Variants in POC5 observed in about 807,000 individuals in gnomAD.
POC5 encodes the protein POC5 centriolar protein.
POC5 carries 48 observed loss-of-function variants against 62.9 expected under a neutral mutation model. The ratio of observed to expected loss-of-function variants is 0.76; its 90% CI spans 0.61 to 0.97. The LOEUF is 0.97. Among genes scored for constraint, POC5 ranks in the 50% least tolerant of loss-of-function variants. The pLI, the probability that POC5 is intolerant of heterozygous loss-of-function variation, is 0.00. For missense variants in POC5, 696 were observed against 679.5 expected, an observed-to-expected ratio of 1.02 and a Z score of -0.27; for synonymous variants, 236 against 228.2, an observed-to-expected ratio of 1.03 and a Z score of -0.31.
At chr5:75,687,316 G>A (rs1162534011) in intron 9 of POC5, among the ~76,000 whole-genome samples, 2 of 152,046 alleles carry the variant, frequency 1.3e-5, no homozygotes, top group Non-Finnish European at 2.9e-5. Flanking sequence ...AGGTGTGAGC[G>A]ACCGCGCCTG....
chr5:75,712,575 A>C, intron 2 of POC5: 1 of 975,254 alleles, frequency 1.0e-6, no homozygotes, highest in Non-Finnish European at 1.6e-6. Flanking sequence ...AAAAATTTAA[A>C]CAAAAAAATG....
rs1408846041 is a variant in POC5 at position 75,677,796 on chromosome 5, T to C, written c.1562A>G (p.Glu521Gly). 1.9e-6 allele frequency: 3 copies of C among 1,608,964 alleles called. No individual in the cohort carries two copies. The highest frequency in any genetic ancestry group is 2.5e-6 in the Non-Finnish European group (3 of 1,177,802). ...CACCACTGTGACTGGATGATGTTTT[T>C]CCACAACAACTGAGCTCATGGGAGG... ...VSPPMSSVVV[E>G]KHHPVTVQTI... The change falls in exon 11 of 12, where the codon GAA becomes GGA. Residue 521 changes from glutamate (E) to glycine (G), a missense_variant. By Grantham distance (98) the Glu-to-Gly change is moderately conservative. Coordinates refer to ENST00000428202, the MANE Select transcript of POC5 (RefSeq NM_001099271.2).
At chr5:75,712,564 A>C (rs747565208) in intron 2 of POC5, 2 of 1,042,666 alleles carry the variant, frequency 1.9e-6, no homozygotes, top group South Asian at 2.9e-5. Flanking sequence ...GCTAAAATGA[A>C]AAAAATTTAA....
intron 10 of POC5, among the ~76,000 whole-genome samples, chr5:75,679,444 T>C (rs568044620): frequency 3.3e-5 from 5 of 152,248 alleles, no homozygotes; most frequent in Non-Finnish European, 7.4e-5. Context: ...AGCTGTATAC[T>C]GAAATGGGAA....
chr5:75,703,285 T>C (rs76239327), intron 4 of POC5, among the ~76,000 whole-genome samples: 7,539 of 152,286 alleles, frequency 0.05, 647 homozygotes, highest in African/African-American at 0.17. Context: ...TGTGGTTGTA[T>C]ATAGGTCAAT....
chr5:75,698,987 C>G (rs922012307), intron 5 of POC5, among the ~76,000 whole-genome samples: 8 of 151,784 alleles, frequency 5.3e-5, no homozygotes, highest in Admixed American at 1.3e-4. Flanking sequence ...ATAAATTCCT[C>G]GACACATACA....
At chr5:75,686,271 T>C (rs987218255) in intron 9 of POC5, among the ~76,000 whole-genome samples, 1 of 152,214 alleles carries the variant, frequency 6.6e-6, no homozygotes, top group Non-Finnish European at 1.5e-5. Context: ...AGACTGTATC[T>C]GTGTGGTATC....
intron 3 of POC5, among the ~76,000 whole-genome samples, chr5:75,706,592 C>T (rs1447853937): frequency 6.6e-6 from 1 of 150,842 alleles, no homozygotes; most frequent in Non-Finnish European, 1.5e-5. Flanking sequence ...TAAACAGAGT[C>T]TTGCTCTGTT....
intron 11 of POC5, among the ~76,000 whole-genome samples, chr5:75,675,382 A>C (rs1345600514): frequency 5.3e-5 from 8 of 152,152 alleles, no homozygotes; most frequent in Admixed American, 5.2e-4. Flanking sequence ...GGACATGTCA[A>C]TTTCTATTAG....
At chr5:75,705,978 T>C (rs1340430167) in intron 3 of POC5, among the ~76,000 whole-genome samples, 191 bp from the exon 4 acceptor site, 1 of 152,194 alleles carries the variant, frequency 6.6e-6, no homozygotes, top group African/African-American at 2.4e-5. Context: ...AGACTTACTA[T>C]ATCATTGATA....
Position 75,690,481 on chromosome 5 carries a change from G to A in POC5, c.877C>T (p.Gln293Ter). ...KVWKVWRSVVQKQWKDVVERA... is the reference protein window; with the variant it reads ...KVWKVWRSVV Reference sequence around the variant, plus strand: ...TCTACCACATCTTTCCACTGCTTTTGCACTACGGAACGCCAGACTTTCCAG... The same window carrying A: ...TCTACCACATCTTTCCACTGCTTTTACACTACGGAACGCCAGACTTTCCAG... Residue 293 changes from glutamine (Q) to a stop codon, truncating the protein, a stop_gained, in exon 8 of 12, where the codon CAA becomes TAA. Coordinates refer to ENST00000428202, the MANE Select transcript of POC5 (RefSeq NM_001099271.2). LOFTEE classifies it high-confidence loss of function. 6.2e-7 allele frequency: 1 copy of A among 1,610,084 alleles called. No homozygotes were observed. The highest frequency in any genetic ancestry group is 8.5e-7 in the Non-Finnish European group (1 of 1,177,942).
chr5:75,714,027 T>G (rs1189661429), intron 1 of POC5, among the ~76,000 whole-genome samples: 1 of 152,188 alleles, frequency 6.6e-6, no homozygotes, highest in Non-Finnish European at 1.5e-5. Context: ...TGAAATATTT[T>G]TTAAAAGTTA....
intron 2 of POC5, chr5:75,709,466 T>A (rs1479919431): frequency 1.3e-5 from 2 of 151,632 alleles, no homozygotes; most frequent in African/African-American, 2.4e-5. Flanking sequence ...CAACTTTTTT[T>A]ATATTATAAA....
intron 1 of POC5, among the ~76,000 whole-genome samples, chr5:75,713,995 G>T (rs892526617): frequency 6.6e-6 from 1 of 152,184 alleles, no homozygotes. Context: ...AAAAATCTGG[G>T]TGTTTATTCT....
intron 1 of POC5, among the ~76,000 whole-genome samples, chr5:75,715,801 G>A (rs906547082): frequency 6.6e-6 from 1 of 152,354 alleles, no homozygotes; most frequent in East Asian, 1.9e-4. Context: ...TGAGAAGAGG[G>A]TTAAAGCCAG....
intron 2 of POC5, chr5:75,712,241 T>A (rs1336167333): frequency 8.8e-7 from 1 of 1,136,204 alleles, no homozygotes; most frequent in Non-Finnish European, 1.3e-6. Flanking sequence ...AAATTTAAGA[T>A]ATACCATGTC....
At chr5:75,680,588 T>C (rs1219772912) in intron 10 of POC5, among the ~76,000 whole-genome samples, 1 of 152,158 alleles carries the variant, frequency 6.6e-6, no homozygotes, top group African/African-American at 2.4e-5. Flanking sequence ...TTAATGTTTA[T>C]TTAATGTATT....
chr5:75,679,212 A>T (rs535615113), intron 10 of POC5, among the ~76,000 whole-genome samples: 1 of 152,288 alleles, frequency 6.6e-6, no homozygotes, highest in East Asian at 1.9e-4. Flanking sequence ...TGATGAAACC[A>T]AAACCAGCTT....
intron 1 of POC5, among the ~76,000 whole-genome samples, chr5:75,715,285 G>A (rs1777506879): frequency 1.4e-5 from 2 of 146,988 alleles, no homozygotes; most frequent in Admixed American, 1.3e-4. Flanking sequence ...ACTCCAGCCT[G>A]GGCGACAGAG....
Sources: allele counts gnomAD v4.1 joint callset (sites outside exome capture counted in the v4.1 genomes callset), GRCh38; gene constraint gnomAD v4.1.1; transcripts MANE v1.5; gene names NCBI Gene and HGNC (gene_info 2026-07-23, HGNC 2026-07-21).